ZFHX3: variants seen among roughly 807,000 people sequenced by gnomAD.
The protein encoded by ZFHX3 is zinc finger homeobox protein 3.
Under a neutral mutation model 279.1 loss-of-function variants are expected in ZFHX3, and 42 were observed. The observed-to-expected ratio is 0.15, with a 90% CI of 0.12 to 0.19. The LOEUF (loss-of-function observed/expected upper bound fraction) is 0.19. ZFHX3 is among the 10% of genes least tolerant of loss of function. ZFHX3 has a pLI of 1.00. For missense variants in ZFHX3, 4,981 were observed against 4,754.0 expected (o/e 1.05, Z -1.40); for synonymous variants, 2,293 against 1,957.8 (o/e 1.17, Z -4.52).
chr16:73,628,825 T>C (rs2052441877), intron 2 of ZFHX3, among the ~76,000 whole-genome samples: 1 of 152,114 alleles, frequency 6.6e-6, no homozygotes, highest in Non-Finnish European at 1.5e-5. Context: ...CTTGCTGAGA[T>C]GAAGTTTAAA....
At chr16:73,145,958 C>T (rs1966861073) in intron 5 of ZFHX3, among the ~76,000 whole-genome samples, 1 of 152,184 alleles carries the variant, frequency 6.6e-6, no homozygotes, top group Non-Finnish European at 1.5e-5. Flanking sequence ...CCACCTATCT[C>T]AGGCAGGGGA....
In ZFHX3 at chr16:72,785,164, C is replaced by CTAT. The variant is rs1555514405; in HGVS notation, c.*1997_*1999dup. ...CTATGAAAGTGAAACAGCAAAGCAT[C>CTAT]TATTTATTTGTCTCCAAAATCTATG... is the stretch of plus-strand genomic sequence containing the variant. On this transcript the variant is annotated 3_prime_UTR_variant, in exon 10 of 10. Transcript: ENST00000268489. 1.3e-5 allele frequency: 2 copies of CTAT among 152,608 alleles called. No homozygotes were observed. The highest frequency in any genetic ancestry group is 4.8e-5 in the African/African-American group (2 of 41,420). 9.5% of individuals were successfully genotyped at this position (152,608 alleles called of 1,614,324 possible).
At chr16:73,168,271 C>CTTTCT (rs1404128509) in intron 5 of ZFHX3, among the ~76,000 whole-genome samples, 2 of 148,414 alleles carry the variant, frequency 1.3e-5, no homozygotes, top group African/African-American at 5.0e-5. Context: ...TTCTTTCTTT[C>CTTTCT]TTTCTTTCGA....
intron 5 of ZFHX3, among the ~76,000 whole-genome samples, chr16:73,158,265 C>T (rs554935470): frequency 1.4e-4 from 22 of 152,152 alleles, no homozygotes; most frequent in African/African-American, 5.1e-4. Context: ...TCTAACCCAG[C>T]CAGGAGTTCA....
chr16:72,958,368 T>C lies in ZFHX3; in HGVS notation c.1778A>G (p.Glu593Gly), dbSNP rs143835631. Reference protein sequence around the residue: ...EGGRRLDFADESANKDNATAP... With the variant: ...EGGRRLDFADGSANKDNATAP... The stretch of plus-strand genomic sequence containing the variant: ...TGTGGCATTGTCTTTATTGGCACTT[T>C]CGTCAGCGAAGTCCAGCCTCCTGCC... Residue 593 changes from glutamate to glycine, a missense_variant, in exon 2 of 10, where the codon GAA (glutamate) becomes GGA (glycine). Around this residue, in one of 7 missense-constraint regions of ZFHX3, gnomAD observed 1,068 missense variants for 935.2 expected, o/e 1.14. Transcript: ENST00000268489. The C allele has an allele frequency of 1.2e-6, 2 of 1,614,050 alleles. No individual in the cohort carries two copies. Among genetic ancestry groups the C allele is most frequent in the African/African-American group, 1.3e-5 (1 of 74,918 alleles).
At chr16:73,033,912 C>A (rs1480102339) in intron 1 of ZFHX3, among the ~76,000 whole-genome samples, 1 of 152,180 alleles carries the variant, frequency 6.6e-6, no homozygotes, top group Non-Finnish European at 1.5e-5. Context: ...GACTTCCCGG[C>A]CGCTCTGAAA....
At chr16:73,672,633 G>A (rs2052915233) in intron 2 of ZFHX3, among the ~76,000 whole-genome samples, 1 of 123,746 alleles carries the variant, frequency 8.1e-6, no homozygotes, top group Non-Finnish European at 1.8e-5. Context: ...TTTTTCGAAA[G>A]AATAATAAAA....
chr16:73,570,751 T>C (rs1421090233), intron 2 of ZFHX3, among the ~76,000 whole-genome samples: 1 of 152,110 alleles, frequency 6.6e-6, no homozygotes. Context: ...ACTTGGTGAA[T>C]AAAACAACAA....
At chr16:73,580,312 T>C (rs1373520098) in intron 2 of ZFHX3, among the ~76,000 whole-genome samples, 1 of 151,810 alleles carries the variant, frequency 6.6e-6, no homozygotes, top group East Asian at 1.9e-4. Context: ...ACCCCATCTC[T>C]ACTAAAAATA....
intron 5 of ZFHX3, among the ~76,000 whole-genome samples, chr16:72,822,847 G>A (rs2036834184): frequency 7.2e-6 from 1 of 139,596 alleles, no homozygotes; most frequent in Non-Finnish European, 1.5e-5. Context: ...AGATATGTGT[G>A]CAAGAAAATA....
rs1468473209 is a variant in ZFHX3 at position 73,500,568 on chromosome 16, C to T, written c.-1546-44310G>A. Among the ~76,000 whole-genome samples, 5 of 151,562 alleles carry T rather than the reference C, an allele frequency of 3.3e-5. No homozygotes were observed. The East Asian group carries it at 9.8e-4, about 30-fold the overall frequency. Reference sequence around the variant, plus strand: ...TCTCAAACTCCTGGGCTCAAGTAATCAGCCTGCCTTGGCCTCCCAAAGTGC... The same window carrying T: ...TCTCAAACTCCTGGGCTCAAGTAATTAGCCTGCCTTGGCCTCCCAAAGTGC... On this transcript the variant is annotated intron_variant, in intron 2 of 17. Transcript: ENST00000641206.
chr16:73,337,012 C>T (rs985766884), intron 3 of ZFHX3, among the ~76,000 whole-genome samples: 1 of 152,172 alleles, frequency 6.6e-6, no homozygotes, highest in African/African-American at 2.4e-5. Context: ...ACCACCACTT[C>T]TTACCACCAC....
chr16:73,751,309 A>G (rs1278494072), intron 1 of ZFHX3, among the ~76,000 whole-genome samples: 1 of 152,208 alleles, frequency 6.6e-6, no homozygotes, highest in Non-Finnish European at 1.5e-5. Flanking sequence ...TGAATAGATA[A>G]TATAGAAACA....
rs573225745 is a variant in ZFHX3, at chr16:73,426,091, G to C, written c.-1291+29912C>G. 2.0e-5 allele frequency among the ~76,000 whole-genome samples: 3 copies of C among 152,268 alleles called. No individual in the cohort carries two copies. In the East Asian group the frequency reaches 5.8e-4, roughly 29 times the overall value. ...GCCACACCTCAGTGGGTACTAACTG[G>C]TGAGTCCCAGCTGGTGTGCACTGGG... On this transcript the variant is annotated intron_variant, in intron 3 of 17. Transcript: ENST00000641206.
intron 1 of ZFHX3, among the ~76,000 whole-genome samples, chr16:73,744,545 A>G (rs1031788790): frequency 6.6e-6 from 1 of 152,200 alleles, no homozygotes; most frequent in Non-Finnish European, 1.5e-5. Flanking sequence ...GATGTCTTGC[A>G]TAAGAGTGAC....
chr16:73,883,397 A>ATG (rs1325657252), intron 1 of ZFHX3, among the ~76,000 whole-genome samples: 2 of 107,444 alleles, frequency 1.9e-5, no homozygotes, highest in Admixed American at 9.7e-5. Context: ...TAAGCCATAT[A>ATG]TATGTGTGTG....
intron 3 of ZFHX3, among the ~76,000 whole-genome samples, chr16:73,352,265 C>T (rs1045884506): frequency 1.6e-4 from 25 of 152,138 alleles, no homozygotes; most frequent in Middle Eastern, 3.2e-3. Context: ...TACTCAGCAA[C>T]GCTGTGTGGA....
At chr16:72,845,107 C>T (rs2037445519) in intron 4 of ZFHX3, among the ~76,000 whole-genome samples, 1 of 152,094 alleles carries the variant, frequency 6.6e-6, no homozygotes, top group Non-Finnish European at 1.5e-5. Flanking sequence ...GGTGCGGACA[C>T]CAGAGGCTTG....
At chr16:73,813,372 A>T (rs1244816969) in intron 1 of ZFHX3, among the ~76,000 whole-genome samples, 5 of 152,074 alleles carry the variant, frequency 3.3e-5, no homozygotes, top group Non-Finnish European at 7.4e-5. Context: ...GACAGCGGCC[A>T]GGACTGGGGG....
Sources: allele counts gnomAD v4.1 joint callset (sites outside exome capture counted in the v4.1 genomes callset), GRCh38; gene constraint gnomAD v4.1.1; regional missense constraint gnomAD v4.1.1; transcripts MANE v1.5; gene names NCBI Gene and HGNC (gene_info 2026-07-23, HGNC 2026-07-21).